TFDP2: variants seen among roughly 807,000 people sequenced by gnomAD.
TFDP2 encodes the protein transcription factor Dp-2 (E2F dimerization partner 2).
TFDP2 carries 17 observed loss-of-function variants against 59.3 expected under a neutral mutation model. The observed-to-expected ratio is 0.29, with a 90% CI of 0.20 to 0.43. TFDP2 has a LOEUF of 0.43. Ranked by LOEUF, TFDP2 falls within the 20% of genes least tolerant of loss-of-function variation. The pLI, the probability that TFDP2 is intolerant of heterozygous loss-of-function variation, is 1.00. For missense variants in TFDP2, 391 were observed against 528.8 expected, an observed-to-expected ratio of 0.74 and a Z score of 2.56; for synonymous variants, 180 against 194.7, an observed-to-expected ratio of 0.92 and a Z score of 0.63.
chr3:142,080,851 C>T (rs778543399), intron 3 of TFDP2, among the ~76,000 whole-genome samples: 3 of 152,102 alleles, frequency 2.0e-5, no homozygotes, highest in Non-Finnish European at 4.4e-5. Flanking sequence ...AATATTACTG[C>T]TAAACAGACA....
chr3:142,018,929 GTTTTTT>G (rs62753560), intron 3 of TFDP2, among the ~76,000 whole-genome samples: 5 of 125,226 alleles, frequency 4.0e-5, no homozygotes, highest in African/African-American at 6.2e-5. Context: ...TTTTTGGTGA[GTTTTTT>G]TTTTTTTTTT....
chr3:141,964,340 A>G (rs971412157), intron 9 of TFDP2, among the ~76,000 whole-genome samples: 1 of 152,078 alleles, frequency 6.6e-6, no homozygotes, highest in Admixed American at 6.6e-5. Context: ...AAAGGCACAA[A>G]ATTGTTTCTT....
At chr3:142,012,804 A>G (rs1944825786) in intron 3 of TFDP2, among the ~76,000 whole-genome samples, 1 of 152,216 alleles carries the variant, frequency 6.6e-6, no homozygotes, top group South Asian at 2.1e-4. Flanking sequence ...ATTATTTAAA[A>G]AAACATTTTA....
At chr3:142,127,992 G>T (rs1027803968) in intron 1 of TFDP2, among the ~76,000 whole-genome samples, 3 of 151,830 alleles carry the variant, frequency 2.0e-5, no homozygotes. Context: ...CCCGAGGCCA[G>T]TTCAGGATCA....
intron 6 of TFDP2, among the ~76,000 whole-genome samples, chr3:141,990,570 A>C (rs1942652352): frequency 6.6e-6 from 1 of 151,996 alleles, no homozygotes; most frequent in African/African-American, 2.4e-5. Flanking sequence ...TTAGCTTCTT[A>C]ATTTAGTTCC....
At chr3:141,976,685 A>C (rs2108043055) in intron 7 of TFDP2, among the ~76,000 whole-genome samples, 1 of 152,282 alleles carries the variant, frequency 6.6e-6, no homozygotes, top group Admixed American at 6.5e-5. Flanking sequence ...GCATAGCAGA[A>C]GACGAGATTA....
At chr3:142,079,500 T>A (rs1181442441) in intron 3 of TFDP2, among the ~76,000 whole-genome samples, 7 of 151,980 alleles carry the variant, frequency 4.6e-5, no homozygotes, top group Non-Finnish European at 1.0e-4. Context: ...CCAGCAAAAT[T>A]CCCAAACCTA....
intron 1 of TFDP2, among the ~76,000 whole-genome samples, chr3:142,115,381 C>T (rs1313616630): frequency 6.7e-5 from 10 of 149,790 alleles, no homozygotes; most frequent in African/African-American, 2.0e-4. Context: ...TGCAGTGGCG[C>T]GATCTCGGCT....
chr3:142,087,460 G>A (rs2060837643), intron 3 of TFDP2, among the ~76,000 whole-genome samples: 1 of 151,718 alleles, frequency 6.6e-6, no homozygotes, highest in South Asian at 2.1e-4. Context: ...ACATCATTAT[G>A]CAGCACATGA....
intron 7 of TFDP2, among the ~76,000 whole-genome samples, chr3:141,977,120 TTTTTTTTTCC>T (rs1158102485): frequency 7.7e-5 from 8 of 103,876 alleles, no homozygotes; most frequent in South Asian, 2.9e-4. Context: ...TTTTTTTTTT[TTTTTTTTTCC>T]CCCCAAAGAG....
intron 11 of TFDP2, among the ~76,000 whole-genome samples, chr3:141,956,330 T>A (rs1408160865): frequency 2.0e-5 from 3 of 152,084 alleles, no homozygotes; most frequent in Admixed American, 6.6e-5. Context: ...AGCGGGTGGA[T>A]CACCTGAGGT....
intron 3 of TFDP2, among the ~76,000 whole-genome samples, chr3:142,050,458 G>T (rs915223186): frequency 9.9e-5 from 15 of 152,040 alleles, no homozygotes; most frequent in African/African-American, 3.6e-4. Context: ...CACTTTAGGA[G>T]GCCGAGGCAG....
intron 1 of TFDP2, among the ~76,000 whole-genome samples, chr3:142,116,552 A>T (rs564265700): frequency 4.6e-4 from 70 of 152,206 alleles, no homozygotes; most frequent in Admixed American, 1.2e-3. Context: ...CCCTGCTGAC[A>T]AATTGATTGC....
chr3:142,134,773 A>G (rs73236030), intron 1 of TFDP2, among the ~76,000 whole-genome samples: 12,673 of 152,128 alleles, frequency 0.083, 694 homozygotes, highest in Middle Eastern at 0.14. Flanking sequence ...GACAACAGAC[A>G]AACCTAGATA....
At chr3:141,974,338 G>A (rs554193052) in intron 7 of TFDP2, 147 bp from the exon 8 acceptor site, 1 of 567,730 alleles carries the variant, frequency 1.8e-6, no homozygotes, top group South Asian at 5.8e-5. Context: ...ACATCCAAAA[G>A]AATTCTATAT....
rs11435655 is a variant in TFDP2 at position 142,040,429 on chromosome 3, AT to A, written c.83-34886del. Among the ~76,000 whole-genome samples, 551 of 145,710 alleles carry A rather than the reference AT, an allele frequency of 3.8e-3. 1 individual carries two copies. Among genetic ancestry groups the A allele is most frequent in the African/African-American group, 5.0e-3 (198 of 39,936 alleles). On this transcript the variant is annotated intron_variant, in intron 3 of 12. Coordinates refer to ENST00000489671, the MANE Select transcript of TFDP2 (RefSeq NM_001178139.2). ...ACGTAGCAAAACACTATCTCTACAA[AT>A]TTTTTTTTTTTTTTGAGACGGAGTC...
intron 1 of TFDP2, among the ~76,000 whole-genome samples, chr3:142,138,060 T>C (rs1029432112): frequency 2.1e-4 from 32 of 152,200 alleles, no homozygotes; most frequent in African/African-American, 7.5e-4. Flanking sequence ...GAGCCTGATA[T>C]TGGTCTATTC....
intron 9 of TFDP2, among the ~76,000 whole-genome samples, chr3:141,968,619 TATAG>T (rs1230065962): frequency 3.5e-5 from 4 of 115,518 alleles, no homozygotes; most frequent in East Asian, 2.3e-4. Flanking sequence ...ATATCTCATA[TATAG>T]ATATATATAA....
In TFDP2 at chr3:142,061,911, C is replaced by CT. The variant is rs1399506154; in HGVS notation, c.82+31149_82+31150insA. Among the ~76,000 whole-genome samples the CT allele has an allele frequency of 3.4e-3, 504 of 149,630 alleles. 3 individuals are homozygous for CT. The highest frequency in any genetic ancestry group is 0.011 in the African/African-American group (446 of 40,576). ...CTCTACACACACACACACACACACA[C>CT]ACACACACACACACACACACACACA... is the stretch of plus-strand genomic sequence containing the variant. On this transcript the variant is annotated intron_variant, in intron 3 of 12. Transcript: ENST00000489671.
Sources: allele counts gnomAD v4.1 joint callset (sites outside exome capture counted in the v4.1 genomes callset), GRCh38; gene constraint gnomAD v4.1.1; transcripts MANE v1.5; gene names NCBI Gene and HGNC (gene_info 2026-07-23, HGNC 2026-07-21).